The following ACSL1 variants were observed in gnomAD, a reference collection of about 807,000 sequenced individuals.
ACSL1 encodes acyl-CoA synthetase long chain family member 1.
A neutral mutation model predicts 98.4 loss-of-function variants in ACSL1; 41 were observed. The ratio of observed to expected loss-of-function variants is 0.42; its 90% confidence interval spans 0.32 to 0.54. The LOEUF (loss-of-function observed/expected upper bound fraction) is 0.54. Ranked by LOEUF, ACSL1 falls within the 20% of genes least tolerant of loss-of-function variation. The pLI is 0.13. For synonymous variants in ACSL1, 316 were observed against 322.7 expected (o/e 0.98, Z 0.22); for missense variants, 734 against 883.1 (o/e 0.83, Z 2.14).
intron 1 of ACSL1, among the ~76,000 whole-genome samples, chr4:184,818,145 G>A (rs1269170911): frequency 6.6e-6 from 1 of 152,208 alleles, no homozygotes; most frequent in Non-Finnish European, 1.5e-5. Context: ...ATCCTGGGAT[G>A]CCTCAGAAGC....
At chr4:184,771,480 T>A (rs1169239055) in intron 10 of ACSL1, among the ~76,000 whole-genome samples, 1 of 152,198 alleles carries the variant, frequency 6.6e-6, no homozygotes, top group East Asian at 1.9e-4. Flanking sequence ...CACAATTTGT[T>A]TAATGCAACC....
chr4:184,815,242 C>A (rs1191901231), intron 1 of ACSL1: 1 of 365,562 alleles, frequency 2.7e-6, no homozygotes, highest in Non-Finnish European at 5.5e-6. Context: ...TGGAGAAACA[C>A]CAGCAACAGC....
At chr4:184,800,057 T>C (rs1770205911) in intron 2 of ACSL1, among the ~76,000 whole-genome samples, 1 of 152,196 alleles carries the variant, frequency 6.6e-6, no homozygotes, top group Non-Finnish European at 1.5e-5. Context: ...TGATATAATT[T>C]TACCTCTTTG....
chr4:184,814,246 G>C, intron 1 of ACSL1, among the ~76,000 whole-genome samples: 1 of 143,400 alleles, frequency 7.0e-6, no homozygotes, highest in Admixed American at 7.5e-5. Flanking sequence ...AGCCAAGATC[G>C]TGCCACTGCT....
At chr4:184,808,382 C>G (rs1771696526) in intron 1 of ACSL1, 1 of 985,320 alleles carries the variant, frequency 1.0e-6, no homozygotes, top group Non-Finnish European at 1.2e-6. Flanking sequence ...AAGCTTTCAT[C>G]AAGATGAATA....
chr4:184,787,865 A>T (rs1767666481), intron 3 of ACSL1, among the ~76,000 whole-genome samples: 1 of 58,148 alleles, frequency 1.7e-5, no homozygotes. Context: ...ACTCCGTCCA[A>T]AGAAAAAAAA....
chr4:184,815,655 G>C (rs147790015), intron 1 of ACSL1, among the ~76,000 whole-genome samples: 40 of 152,216 alleles, frequency 2.6e-4, no homozygotes, highest in African/African-American at 9.6e-4. Context: ...AATAGACCAA[G>C]GTTTCAGAGA....
rs1270502112 is a variant in ACSL1, at chr4:184,757,887, C to T, written c.1816G>A (p.Glu606Lys). ...FLIAIVVPDV[E>K]TLCSWAQKRG... is the part of the protein sequence containing the mutation. ...TTTTGGGCCCAGGAACATAATGTCT[C>T]AACATCTGGTACCACAATTGCAATG... Residue 606 changes from glutamate to lysine, a missense_variant, in exon 19 of 21, where the codon GAG becomes AAG. Physicochemically the swap from Glu to Lys is moderately conservative, Grantham distance 56. Transcript: ENST00000281455. This position sits in a 1 kb window ranked among gnomAD's most constrained non-coding sequence, Gnocchi z 4.5. 6.2e-7 allele frequency: 1 copy of T among 1,614,146 alleles called. No individual in the cohort carries two copies. Among genetic ancestry groups the T allele is most frequent in the South Asian group, 1.1e-5 (1 of 91,078 alleles).
At chr4:184,804,397 C>T (rs1045758394) in intron 1 of ACSL1, among the ~76,000 whole-genome samples, 8 of 151,962 alleles carry the variant, frequency 5.3e-5, no homozygotes, top group Admixed American at 2.0e-4. Flanking sequence ...CTGGCTAACA[C>T]GGTGAAACTC....
At chr4:184,775,209 G>A (rs1296395020) in intron 7 of ACSL1, among the ~76,000 whole-genome samples, 1 of 151,940 alleles carries the variant, frequency 6.6e-6, no homozygotes, top group Non-Finnish European at 1.5e-5. Flanking sequence ...AGTGCAGTGG[G>A]GCGATCTCTT....
chr4:184,771,413 T>C (rs1764495114), intron 10 of ACSL1, among the ~76,000 whole-genome samples: 1 of 152,104 alleles, frequency 6.6e-6, no homozygotes, highest in Non-Finnish European at 1.5e-5. Flanking sequence ...CCAAGGTCCT[T>C]AGAGTATTTT....
At chr4:184,759,185 T>C (rs1450600882) in intron 18 of ACSL1, among the ~76,000 whole-genome samples, 1 of 152,168 alleles carries the variant, frequency 6.6e-6, no homozygotes, top group Non-Finnish European at 1.5e-5. Context: ...TCTTTGCTAT[T>C]GTGAATAGTG....
chr4:184,794,070 A>C (rs1768901824), intron 2 of ACSL1, among the ~76,000 whole-genome samples: 1 of 152,250 alleles, frequency 6.6e-6, no homozygotes, highest in Non-Finnish European at 1.5e-5. Flanking sequence ...TGTTCAATAG[A>C]CAATACCATC....
chr4:184,819,398 C>T (rs1182229225), intron 1 of ACSL1, among the ~76,000 whole-genome samples: 1 of 152,078 alleles, frequency 6.6e-6, no homozygotes, highest in East Asian at 1.9e-4. Context: ...CTGCCTTGGC[C>T]TCCCAAAGTG....
intron 18 of ACSL1, chr4:184,758,263 A>G: frequency 5.5e-6 from 1 of 183,300 alleles, no homozygotes; most frequent in Admixed American, 6.0e-5. Flanking sequence ...AACTGCTTTT[A>G]AAAAAAAAAG....
chr4:184,794,907 C>T (rs753454451), intron 2 of ACSL1, among the ~76,000 whole-genome samples: 2 of 136,496 alleles, frequency 1.5e-5, no homozygotes, highest in Admixed American at 6.9e-5. Flanking sequence ...TCCAACTTCC[C>T]GGCTCCCCAC....
rs1224739969 is a variant in ACSL1, at chr4:184,766,682, A to C, written c.1203T>G (p.Leu401=). The C allele has an allele frequency of 6.2e-7, 1 of 1,614,084 alleles. No individual in the cohort carries two copies. The highest frequency in any genetic ancestry group is 8.5e-7 in the Non-Finnish European group (1 of 1,180,040). ...TGTTGTTTCTGATGATGCCGCTGCG[A>C]AGCTCTGCTTCTTTCCTCTTGGAGG... ...DFASKRKEAE[L]RSGIIRNNSL... is the part of the protein sequence containing the mutation. The change falls in exon 13 of 21, where the codon CTT becomes CTG. Residue 401 remains leucine (L), a synonymous_variant. Coordinates refer to ENST00000281455, the MANE Select transcript of ACSL1 (RefSeq NM_001995.5). This position sits in a 1 kb window ranked among gnomAD's most constrained non-coding sequence, Gnocchi z 4.8.
intron 12 of ACSL1, 61 bp downstream of exon 12, chr4:184,768,255 A>T: frequency 2.6e-6 from 4 of 1,545,984 alleles, no homozygotes; most frequent in Non-Finnish European, 3.5e-6. Context: ...GCCCAATTCA[A>T]GCCCAAGCCC....
chr4:184,761,275 C>T (rs1459141821), intron 17 of ACSL1, among the ~76,000 whole-genome samples: 3 of 152,122 alleles, frequency 2.0e-5, no homozygotes, highest in African/African-American at 7.2e-5. Context: ...CTCTCTTGAA[C>T]CGGAAGAGGG....
Sources: gnomAD v4.1 joint callset for allele counts (sites outside exome capture counted in the v4.1 genomes callset) on GRCh38, gnomAD v4.1.1 for gene constraint, Gnocchi (gnomAD v3.1) non-coding constraint, MANE v1.5 for transcripts, NCBI Gene and HGNC (gene_info 2026-07-23, HGNC 2026-07-21) for gene names.